The following COL24A1 variants were observed in gnomAD, a reference collection of about 807,000 sequenced individuals.
The protein encoded by COL24A1 is collagen alpha-1(XXIV) chain.
Under a neutral mutation model 253.9 loss-of-function variants are expected in COL24A1, and 224 were observed. That is an observed-to-expected ratio of 0.88 (90% CI 0.79 to 0.99). COL24A1 has a LOEUF of 0.99. COL24A1 is among the 50% of genes least tolerant of loss of function. COL24A1 has a pLI of 0.00. For missense variants in COL24A1, 2,131 were observed against 2,068.5 expected (o/e 1.03, Z -0.59); for synonymous variants, 685 against 673.7 (o/e 1.02, Z -0.26).
At chr1:85,797,207 CA>C (rs1181001829) in intron 47 of COL24A1, among the ~76,000 whole-genome samples, 165 of 66,200 alleles carry the variant, frequency 2.5e-3, no homozygotes, top group Middle Eastern at 7.7e-3. Context: ...GACTCCGTCT[CA>C]AAAAAAAAAA....
At chr1:85,969,391 G>A (rs1691897286) in intron 22 of COL24A1, among the ~76,000 whole-genome samples, 1 of 151,812 alleles carries the variant, frequency 6.6e-6, no homozygotes, top group African/African-American at 2.4e-5. Context: ...GATCACCTGA[G>A]GCCAGGAGTT....
At chr1:85,735,608 TTGAA>T (rs200903935) in intron 58 of COL24A1, among the ~76,000 whole-genome samples, 386 of 152,102 alleles carry the variant, frequency 2.5e-3, no homozygotes, top group African/African-American at 8.3e-3. Flanking sequence ...TAAATATTTA[TTGAA>T]TGAATGAATG....
intron 24 of COL24A1, among the ~76,000 whole-genome samples, chr1:85,915,151 G>T (rs145324081): frequency 6.6e-6 from 1 of 152,284 alleles, no homozygotes; most frequent in East Asian, 1.9e-4. Context: ...ATCTGTTGAG[G>T]ATCTGAATAA....
intron 53 of COL24A1, among the ~76,000 whole-genome samples, chr1:85,769,315 G>A (rs1382753722): frequency 6.6e-6 from 1 of 152,088 alleles, no homozygotes; most frequent in Non-Finnish European, 1.5e-5. Flanking sequence ...AAATAAATAT[G>A]TACTATGTCA....
chr1:85,775,771 G>A, intron 52 of COL24A1, 62 bp from the exon 53 acceptor site: 2 of 1,364,554 alleles, frequency 1.5e-6, no homozygotes. Flanking sequence ...AAATGTAGCT[G>A]AGGTCATTAT....
At chr1:85,790,938 T>C (rs1298041851) in intron 47 of COL24A1, among the ~76,000 whole-genome samples, 2 of 152,152 alleles carry the variant, frequency 1.3e-5, no homozygotes, top group Non-Finnish European at 2.9e-5. Flanking sequence ...ACAGCAGAAT[T>C]TCTTCACAAC....
rs116332586 is a variant in COL24A1, at chr1:86,140,527, C to T, written c.121+5592G>A. On this transcript the variant is annotated intron_variant, in intron 2 of 59. Transcript: ENST00000370571. ...AAGTTACTGCAGCTACAATGAACTG[C>T]TTCTGTTAACAATAAACACATTTCA... 6.5e-3 allele frequency among the ~76,000 whole-genome samples: 984 copies of T among 152,300 alleles called. 16 individuals are homozygous for T. Among genetic ancestry groups the T allele is most frequent in the African/African-American group, 0.023 (960 of 41,580 alleles).
intron 19 of COL24A1, among the ~76,000 whole-genome samples, chr1:85,995,692 G>A (rs1254841507): frequency 6.6e-6 from 1 of 152,050 alleles, no homozygotes; most frequent in Non-Finnish European, 1.5e-5. Context: ...ATATGGTTTG[G>A]GTCTGTGTCC....
intron 2 of COL24A1, among the ~76,000 whole-genome samples, chr1:86,144,261 C>A (rs1651562266): frequency 6.6e-6 from 1 of 152,088 alleles, no homozygotes; most frequent in African/African-American, 2.4e-5. Flanking sequence ...TATGTTGTTT[C>A]TTTCATTTAT....
chr1:85,870,913 G>A (rs1680393151), intron 35 of COL24A1, among the ~76,000 whole-genome samples: 1 of 152,080 alleles, frequency 6.6e-6, no homozygotes, highest in African/African-American at 2.4e-5. Flanking sequence ...CCAAGAGCTG[G>A]TGTTTTGAAA....
At position 85,967,039 on chromosome 1, in the gene COL24A1, T is replaced by A. The variant is rs143531703; in HGVS notation, c.2464-1977A>T. 4.4e-3 allele frequency among the ~76,000 whole-genome samples: 668 copies of A among 152,274 alleles called. 6 individuals carry two copies. Among genetic ancestry groups the A allele is most frequent in the African/African-American group, 0.015 (620 of 41,546 alleles). Reference sequence around the variant, plus strand: ...GAGACAGAGGGAATTGTTGGACCAGTTATCTTGAGTAGTCAAAAGGACAGG... The same window carrying A: ...GAGACAGAGGGAATTGTTGGACCAGATATCTTGAGTAGTCAAAAGGACAGG... On this transcript the variant is annotated intron_variant, in intron 22 of 59. Transcript: ENST00000370571.
chr1:86,093,437 G>C (rs1703654336), intron 5 of COL24A1, among the ~76,000 whole-genome samples: 1 of 152,004 alleles, frequency 6.6e-6, no homozygotes, highest in African/African-American at 2.4e-5. Context: ...TCAGATAGTT[G>C]TAGGTGTGCA....
intron 8 of COL24A1, 111 bp downstream of exon 8, chr1:86,063,604 A>C (rs776112301): frequency 6.0e-6 from 4 of 665,212 alleles, no homozygotes; most frequent in Non-Finnish European, 9.4e-6. Context: ...ACAGAGTAAA[A>C]AATCACTGAG....
chr1:85,736,847 TG>T (rs1174302389), intron 58 of COL24A1, among the ~76,000 whole-genome samples: 1 of 152,168 alleles, frequency 6.6e-6, no homozygotes, highest in African/African-American at 2.4e-5. Flanking sequence ...TAACTCCCAG[TG>T]TTATAATATA....
chr1:86,018,253 G>A (rs1195630154), intron 18 of COL24A1, among the ~76,000 whole-genome samples: 1 of 152,184 alleles, frequency 6.6e-6, no homozygotes, highest in Non-Finnish European at 1.5e-5. Context: ...TTTCCAATAT[G>A]CACTTAATTC....
Position 86,059,138 on chromosome 1 carries a change from C to T in COL24A1, c.1789G>A (p.Gly597Ser), listed in dbSNP as rs1264698691. Residue 597 changes from glycine (G) to serine (S), a missense_variant, in exon 9 of 60, where the codon GGT (glycine) becomes AGT (serine). Coordinates refer to ENST00000370571, the MANE Select transcript of COL24A1 (RefSeq NM_152890.7). ...PGFAGNIGSP[G>S]YPGRQGLAGP... ...TACTGCACCTGCCTGCCAGGGTAACCGGGTGAACCAATATTACCAGCAAAT... is the reference window on the plus strand; with the variant it reads ...TACTGCACCTGCCTGCCAGGGTAACTGGGTGAACCAATATTACCAGCAAAT... 16 of 1,609,976 alleles carry T rather than the reference C, an allele frequency of 9.9e-6. No homozygotes were observed. Among genetic ancestry groups the T allele is most frequent in the Middle Eastern group, 1.6e-4 (1 of 6,064 alleles).
At chr1:85,990,526 T>A (rs1694151185) in intron 19 of COL24A1, among the ~76,000 whole-genome samples, 1 of 152,200 alleles carries the variant, frequency 6.6e-6, no homozygotes, top group Admixed American at 6.5e-5. Flanking sequence ...CAGTAATGCT[T>A]GCTCACCTGC....
intron 55 of COL24A1, among the ~76,000 whole-genome samples, chr1:85,756,057 C>CAAAAAAAAAAAA (rs200030128): frequency 3.1e-5 from 3 of 95,832 alleles, no homozygotes; most frequent in African/African-American, 4.5e-5. Context: ...TACTAACAAC[C>CAAAAAAAAAAAA]AAAAAAAAAA....
At chr1:85,766,830 G>C (rs556357851) in intron 53 of COL24A1, among the ~76,000 whole-genome samples, 57 of 152,102 alleles carry the variant, frequency 3.7e-4, no homozygotes, top group Non-Finnish European at 6.0e-4. Flanking sequence ...TTGAGGCCCA[G>C]CGTGATGGCT....
Sources: allele counts gnomAD v4.1 joint callset (sites outside exome capture counted in the v4.1 genomes callset), GRCh38; gene constraint gnomAD v4.1.1; transcripts MANE v1.5; gene names NCBI Gene and HGNC (gene_info 2026-07-23, HGNC 2026-07-21).